Variants in DDX46 observed in about 807,000 individuals in gnomAD.
DDX46 encodes the protein DEAD-box helicase 46.
A neutral mutation model predicts 134.9 loss-of-function variants in DDX46; 30 were observed. The ratio of observed to expected loss-of-function variants is 0.22; its 90% CI spans 0.17 to 0.30. The LOEUF (loss-of-function observed/expected upper bound fraction) is 0.30, where lower values mean the gene tolerates loss of function less well. Among genes scored for constraint, DDX46 ranks in the 10% least tolerant of loss-of-function variants. DDX46 has a pLI of 1.00. For missense variants in DDX46, 622 were observed against 1,248.7 expected (o/e 0.50, Z 7.56); for synonymous variants, 415 against 404.1 (o/e 1.03, Z -0.32).
chr5:134,789,914 G>T (rs1476517832), intron 12 of DDX46, among the ~76,000 whole-genome samples: 1 of 152,106 alleles, frequency 6.6e-6, no homozygotes, highest in African/African-American at 2.4e-5. Context: ...AAGTTTTTGT[G>T]TGATACTTTA....
At chr5:134,807,713 T>C in intron 15 of DDX46, 35 bp from the exon 16 acceptor site, 2 of 1,556,570 alleles carry the variant, frequency 1.3e-6, no homozygotes, top group Non-Finnish European at 1.7e-6. Context: ...AAATTTAATT[T>C]GAACATGTTT....
chr5:134,811,614 C>G (rs545263029), intron 17 of DDX46, 82 bp from the exon 18 acceptor site: 40 of 1,442,590 alleles, frequency 2.8e-5, no homozygotes, highest in Non-Finnish European at 3.4e-5. Flanking sequence ...CATACACCAC[C>G]TTGAAAAATA....
At chr5:134,819,301 G>A (rs1580819596) in intron 21 of DDX46, among the ~76,000 whole-genome samples, 3 of 152,166 alleles carry the variant, frequency 2.0e-5, no homozygotes, top group Admixed American at 6.5e-5. Flanking sequence ...GAATATTCTG[G>A]CCTAAGTTTA....
At chr5:134,775,014 A>G (rs1301370610) in intron 5 of DDX46, among the ~76,000 whole-genome samples, 1 of 152,088 alleles carries the variant, frequency 6.6e-6, no homozygotes, top group Admixed American at 6.6e-5. Flanking sequence ...TTTTTAGTAC[A>G]AAAATATGTT....
At chr5:134,811,579 A>T in intron 17 of DDX46, 117 bp from the exon 18 acceptor site, 2 of 1,188,692 alleles carry the variant, frequency 1.7e-6, no homozygotes. Flanking sequence ...CTTACATGCT[A>T]GATGAAGTGT....
intron 21 of DDX46, among the ~76,000 whole-genome samples, chr5:134,820,490 G>A (rs1755411597): frequency 6.6e-6 from 1 of 152,126 alleles, no homozygotes; most frequent in East Asian, 1.9e-4. Context: ...AGCCTCCTGG[G>A]TAGCTGGGAC....
At chr5:134,764,497 G>T (rs1239103313) in intron 2 of DDX46, among the ~76,000 whole-genome samples, 1 of 152,090 alleles carries the variant, frequency 6.6e-6, no homozygotes, top group African/African-American at 2.4e-5. Context: ...TGGCCAGGCT[G>T]CTCTCGATCT....
At chr5:134,828,547 G>A in intron 22 of DDX46, 112 bp from the exon 23 acceptor site, 1 of 605,156 alleles carries the variant, frequency 1.7e-6, no homozygotes, top group East Asian at 3.3e-5. Flanking sequence ...CAAAGGAAAT[G>A]ATCTTAAATA....
At chr5:134,819,457 C>G (rs772462463) in intron 21 of DDX46, among the ~76,000 whole-genome samples, 3 of 152,160 alleles carry the variant, frequency 2.0e-5, no homozygotes, top group Non-Finnish European at 4.4e-5. Flanking sequence ...ATAAATAATA[C>G]ATTATGTAAC....
Position 134,758,810 on chromosome 5 carries a change from C to G in DDX46, c.-129C>G. ...TCGTTGGCCGCGCTGGGATGGCCGC[C>G]ACAGCTGTAGGTGCTGCTAGTGTTT... On this transcript the variant is annotated 5_prime_UTR_variant, in exon 1 of 23. Coordinates refer to ENST00000452510, the MANE Select transcript of DDX46 (RefSeq NM_001300860.2). 2 of 1,450,894 alleles carry G rather than the reference C, an allele frequency of 1.4e-6. No individual in the cohort carries two copies. Among genetic ancestry groups the G allele is most frequent in the East Asian group, 2.3e-5 (1 of 43,454 alleles). 89.9% of individuals were successfully genotyped at this position (1,450,894 alleles called of 1,614,324 possible). A position where few individuals can be genotyped will look rare whatever the true frequency, so the allele number is the denominator to read the frequency against.
In DDX46 at chr5:134,761,957, A is replaced by C. The variant is rs146173507; in HGVS notation, c.18-1947A>C. On this transcript the variant is annotated intron_variant, in intron 1 of 22. Coordinates refer to ENST00000452510, the MANE Select transcript of DDX46 (RefSeq NM_001300860.2). The stretch of plus-strand genomic sequence containing the variant: ...GTTTGTTCTCTCAGCAACCAGAATA[A>C]TACTTTAAAAACATTAGGCCAGGTG... Among the ~76,000 whole-genome samples, 7 of 152,116 alleles carry C rather than the reference A, an allele frequency of 4.6e-5. No individual in the cohort carries two copies. In the East Asian group the frequency reaches 1.2e-3, roughly 25 times the overall value.
rs1754647161 is a variant in DDX46, at chr5:134,796,134, C to T, written c.1938C>T (p.Cys646=). ...ATTTAATGAGAGCATCTTATCCTTG[C>T]ATGTCTCTTCATGGAGGTAATTATT... ...LKDLMRASYP[C]MSLHGGIDQY... Residue 646 remains cysteine, a synonymous_variant, in exon 15 of 23, where the codon TGC becomes TGT. Coordinates refer to ENST00000452510, the MANE Select transcript of DDX46 (RefSeq NM_001300860.2). 1.2e-6 allele frequency: 2 copies of T among 1,613,236 alleles called. No individual in the cohort carries two copies. Among genetic ancestry groups the T allele is most frequent in the Non-Finnish European group, 8.5e-7 (1 of 1,179,816 alleles).
chr5:134,823,008 A>G (rs1755496997), intron 21 of DDX46, among the ~76,000 whole-genome samples: 1 of 152,184 alleles, frequency 6.6e-6, no homozygotes, highest in Admixed American at 6.5e-5. Context: ...ATATTTACGT[A>G]TGTAGCTATG....
At chr5:134,764,279 T>G (rs187166407) in intron 2 of DDX46, among the ~76,000 whole-genome samples, 187 bp downstream of exon 2, 3 of 152,008 alleles carry the variant, frequency 2.0e-5, no homozygotes, top group Non-Finnish European at 2.9e-5. Context: ...AACAGTGTTT[T>G]TTTTTTTTTT....
At chr5:134,811,568 T>C in intron 17 of DDX46, 128 bp from the exon 18 acceptor site, 1 of 1,159,372 alleles carries the variant, frequency 8.6e-7, no homozygotes, top group Non-Finnish European at 1.2e-6. Flanking sequence ...TCTTAGTTTA[T>C]CTTACATGCT....
At chr5:134,786,861 G>T (rs184215455) in intron 11 of DDX46, among the ~76,000 whole-genome samples, 1 of 152,068 alleles carries the variant, frequency 6.6e-6, no homozygotes, top group Non-Finnish European at 1.5e-5. Flanking sequence ...TGGCGGAAGT[G>T]ATGGTGATTA....
intron 4 of DDX46, 129 bp downstream of exon 4, chr5:134,771,128 C>T: frequency 1.8e-6 from 1 of 544,784 alleles, no homozygotes; most frequent in Non-Finnish European, 3.2e-6. Flanking sequence ...TTCTTTCTGT[C>T]TTTCTTTCTG....
chr5:134,800,137 G>A (rs1403644349), intron 15 of DDX46, among the ~76,000 whole-genome samples: 5 of 152,030 alleles, frequency 3.3e-5, no homozygotes, highest in African/African-American at 7.2e-5. Context: ...TAGTAGAGAC[G>A]GGATTTCACC....
At chr5:134,762,886 C>T (rs1580767166) in intron 1 of DDX46, among the ~76,000 whole-genome samples, 1 of 152,000 alleles carries the variant, frequency 6.6e-6, no homozygotes, top group Non-Finnish European at 1.5e-5. Context: ...GAAACCCCAT[C>T]TCTTCTAAAA....
Sources: gnomAD v4.1 joint callset for allele counts (sites outside exome capture counted in the v4.1 genomes callset) on GRCh38, gnomAD v4.1.1 for gene constraint, MANE v1.5 for transcripts, NCBI Gene and HGNC (gene_info 2026-07-23, HGNC 2026-07-21) for gene names.